The following SYT14 variants were observed in gnomAD, a reference collection of about 807,000 sequenced individuals.
SYT14 encodes synaptotagmin 14.
In SYT14, 32 loss-of-function variants were observed where a neutral mutation model predicts 74.2. The observed-to-expected ratio is 0.43, with a 90% CI of 0.33 to 0.58. The LOEUF (loss-of-function observed/expected upper bound fraction) is 0.58. Among genes scored for constraint, SYT14 ranks in the 20% least tolerant of loss-of-function variants. The pLI, the probability that SYT14 is intolerant of heterozygous loss-of-function variation, is 0.05. For missense variants in SYT14, 791 were observed against 981.8 expected, an observed-to-expected ratio of 0.81 and a Z score of 2.60; for synonymous variants, 298 against 337.7, an observed-to-expected ratio of 0.88 and a Z score of 1.29.
intron 1 of SYT14, among the ~76,000 whole-genome samples, chr1:209,939,249 T>G (rs2078690089): frequency 6.6e-6 from 1 of 152,238 alleles, no homozygotes; most frequent in South Asian, 2.1e-4. Context: ...ATTTGTAAAT[T>G]TTCCCTGTGT....
chr1:210,003,118 A>C (rs1648756777), intron 2 of SYT14, among the ~76,000 whole-genome samples: 3 of 151,992 alleles, frequency 2.0e-5, no homozygotes, highest in Admixed American at 2.0e-4. Flanking sequence ...TTTGTATGTA[A>C]ATTCATTTTT....
In SYT14 at chr1:210,124,255, AT is replaced by A. The variant is rs200499252; in HGVS notation, c.2034+23795del. 1.1e-3 allele frequency among the ~76,000 whole-genome samples: 161 copies of A among 151,556 alleles called. 2 individuals carry two copies. The highest frequency in any genetic ancestry group is 3.3e-3 in the African/African-American group (138 of 41,248). On this transcript the variant is annotated intron_variant, in intron 7 of 9. Transcript: ENST00000637265. ...TAGAAGACAGAAATGAAAAAAAAAA[AT>A]AAATAAATAACTCCAGGAAATATAA...
At chr1:210,143,305 G>A (rs2102677774) in intron 7 of SYT14, among the ~76,000 whole-genome samples, 1 of 152,250 alleles carries the variant, frequency 6.6e-6, no homozygotes, top group Non-Finnish European at 1.5e-5. Context: ...TTAATTCGGT[G>A]AAAGAATCAG....
At chr1:209,967,664 A>C (rs534971588) in intron 2 of SYT14, among the ~76,000 whole-genome samples, 12 of 152,090 alleles carry the variant, frequency 7.9e-5, no homozygotes, top group African/African-American at 2.6e-4. Flanking sequence ...AATCTATTTC[A>C]TTTCTGATAT....
intron 5 of SYT14, among the ~76,000 whole-genome samples, chr1:210,075,509 A>G (rs919480069): frequency 2.6e-5 from 4 of 151,476 alleles, no homozygotes; most frequent in Admixed American, 6.6e-5. Context: ...TAATTTTTGT[A>G]TTTTTAGTAG....
At chr1:210,097,882 A>G (rs2081993664) in intron 6 of SYT14, among the ~76,000 whole-genome samples, 1 of 152,194 alleles carries the variant, frequency 6.6e-6, no homozygotes, top group South Asian at 2.1e-4. Context: ...TAAGATTTAT[A>G]AGATCAAGGA....
intron 7 of SYT14, among the ~76,000 whole-genome samples, chr1:210,121,829 GTAAT>G (rs1221500367): frequency 6.6e-6 from 1 of 151,476 alleles, no homozygotes; most frequent in African/African-American, 2.4e-5. Flanking sequence ...TATATTCTGA[GTAAT>G]TATTAAGATG....
intron 7 of SYT14, among the ~76,000 whole-genome samples, chr1:210,105,050 GTATGATTCCTGGACCAACATCATCACA>G (rs2082134585): frequency 6.6e-6 from 1 of 152,070 alleles, no homozygotes; most frequent in African/African-American, 2.4e-5. Flanking sequence ...GGTTCTCGAA[GTATGATTCCTGGACCAACATCATCACA>G]TAGGAACTTG....
chr1:209,985,610 T>C (rs1318589308), intron 2 of SYT14, among the ~76,000 whole-genome samples: 1 of 152,236 alleles, frequency 6.6e-6, no homozygotes, highest in Non-Finnish European at 1.5e-5. Flanking sequence ...ACTAGGAGTG[T>C]CCCAGTGGGG....
chr1:209,948,707 A>C (rs2078861411), intron 1 of SYT14, among the ~76,000 whole-genome samples: 1 of 152,154 alleles, frequency 6.6e-6, no homozygotes, highest in African/African-American at 2.4e-5. Flanking sequence ...TCTGACAATT[A>C]ACTAGTGACC....
intron 5 of SYT14, among the ~76,000 whole-genome samples, chr1:210,038,149 C>T (rs555979220): frequency 6.6e-5 from 10 of 151,992 alleles, no homozygotes; most frequent in South Asian, 2.1e-4. Flanking sequence ...TTGAATTGAC[C>T]GCTTTATCAT....
At chr1:210,048,029 T>G (rs548658016) in intron 5 of SYT14, among the ~76,000 whole-genome samples, 1 of 152,306 alleles carries the variant, frequency 6.6e-6, no homozygotes, top group African/African-American at 2.4e-5. Context: ...TTTTTCCACT[T>G]TTTCGGGAGT....
intron 5 of SYT14, among the ~76,000 whole-genome samples, chr1:210,062,579 A>G (rs1255122491): frequency 6.6e-6 from 1 of 151,878 alleles, no homozygotes; most frequent in Non-Finnish European, 1.5e-5. Context: ...TTTGCCATCA[A>G]CACGTCCATT....
At chr1:209,973,114 T>G (rs975503959) in intron 2 of SYT14, among the ~76,000 whole-genome samples, 3 of 152,192 alleles carry the variant, frequency 2.0e-5, no homozygotes, top group Non-Finnish European at 1.5e-5. Context: ...TGTCCTTTTT[T>G]ATTGTTGTTG....
chr1:210,052,665 C>CAAAA (rs561069342), intron 5 of SYT14, among the ~76,000 whole-genome samples: 1,185 of 42,220 alleles, frequency 0.028, 115 homozygotes, highest in Admixed American at 0.2. Flanking sequence ...TACATCTCAC[C>CAAAA]AAAAAAAAAA....
At chr1:210,002,656 T>C (rs1270668919) in intron 2 of SYT14, among the ~76,000 whole-genome samples, 1 of 152,154 alleles carries the variant, frequency 6.6e-6, no homozygotes, top group Non-Finnish European at 1.5e-5. Context: ...ATAGTGATAC[T>C]GCATTATGAT....
intron 7 of SYT14, among the ~76,000 whole-genome samples, chr1:210,151,741 A>G (rs1193277148): frequency 1.3e-5 from 2 of 152,202 alleles, no homozygotes; most frequent in African/African-American, 4.8e-5. Context: ...ACTATATTTC[A>G]GCAGGGCTTA....
intron 7 of SYT14, among the ~76,000 whole-genome samples, chr1:210,108,170 A>G (rs553680769): frequency 5.8e-4 from 89 of 152,348 alleles, no homozygotes; most frequent in Non-Finnish European, 8.7e-4. Context: ...CTGTGTGAAC[A>G]CAAAGCAGTT....
At chr1:210,089,641 T>G (rs1056216104) in intron 5 of SYT14, among the ~76,000 whole-genome samples, 4 of 152,366 alleles carry the variant, frequency 2.6e-5, no homozygotes, top group Non-Finnish European at 5.9e-5. Context: ...TATATTTTAA[T>G]CTCTAGTTAT....
Sources: gnomAD v4.1 joint callset for allele counts (sites outside exome capture counted in the v4.1 genomes callset) on GRCh38, gnomAD v4.1.1 for gene constraint, MANE v1.5 for transcripts, NCBI Gene and HGNC (gene_info 2026-07-23, HGNC 2026-07-21) for gene names.